Variants in TRAPPC9 observed in about 807,000 individuals in gnomAD.
TRAPPC9 encodes the protein trafficking protein particle complex subunit 9.
In TRAPPC9, 83 loss-of-function variants were observed where a neutral mutation model predicts 124.0. The ratio of observed to expected loss-of-function variants is 0.67; its 90% CI spans 0.56 to 0.80. The LOEUF (loss-of-function observed/expected upper bound fraction) is 0.80. TRAPPC9 is among the 30% of genes least tolerant of loss of function. The pLI, the probability that TRAPPC9 is intolerant of heterozygous loss-of-function variation, is 0.00. For synonymous variants in TRAPPC9, 638 were observed against 617.5 expected (o/e 1.03, Z -0.49); for missense variants, 1,302 against 1,508.3 (o/e 0.86, Z 2.27).
chr8:139,853,052 A>T (rs917812433), intron 21 of TRAPPC9, among the ~76,000 whole-genome samples: 2 of 152,190 alleles, frequency 1.3e-5, no homozygotes, highest in Non-Finnish European at 2.9e-5. Context: ...TAGGCTTCCC[A>T]AGAAGTGTTC....
chr8:139,787,479 G>C (rs1275001443), intron 21 of TRAPPC9, among the ~76,000 whole-genome samples: 1 of 152,142 alleles, frequency 6.6e-6, no homozygotes, highest in Non-Finnish European at 1.5e-5. Flanking sequence ...GCCAAGGGAA[G>C]GTGGGAACCG....
intron 11 of TRAPPC9, among the ~76,000 whole-genome samples, chr8:140,293,657 T>G (rs912188938): frequency 6.6e-6 from 1 of 151,718 alleles, no homozygotes; most frequent in African/African-American, 2.4e-5. Context: ...TAGGTGGGAA[T>G]TGAACAATGA....
At chr8:139,932,411 C>T (rs1402982939) in intron 19 of TRAPPC9, 1 of 457,754 alleles carries the variant, frequency 2.2e-6, no homozygotes, top group Non-Finnish European at 4.4e-6. Flanking sequence ...GGTATGGCTC[C>T]CTTTCTTTCT....
chr8:139,937,553 T>C (rs979592774), intron 19 of TRAPPC9, among the ~76,000 whole-genome samples: 1 of 151,972 alleles, frequency 6.6e-6, no homozygotes, highest in African/African-American at 2.4e-5. Context: ...GCAGGGCCGG[T>C]GCTGGGGCCA....
chr8:139,935,090 G>A (rs1039787402), intron 19 of TRAPPC9, among the ~76,000 whole-genome samples: 2 of 152,138 alleles, frequency 1.3e-5, no homozygotes, highest in Non-Finnish European at 2.9e-5. Context: ...CCCGGTACGT[G>A]ATCTCATGGG....
chr8:139,757,167 C>T (rs1469965793), intron 21 of TRAPPC9, among the ~76,000 whole-genome samples: 6 of 127,602 alleles, frequency 4.7e-5, no homozygotes, highest in African/African-American at 1.6e-4. Flanking sequence ...CAGGAGGAGC[C>T]AGGGTTTAGG....
At chr8:140,159,072 C>A (rs1349792973) in intron 17 of TRAPPC9, among the ~76,000 whole-genome samples, 5 of 152,182 alleles carry the variant, frequency 3.3e-5, no homozygotes, top group Non-Finnish European at 5.9e-5. Flanking sequence ...CAGGGACGGA[C>A]CCGGGAAGTG....
intron 17 of TRAPPC9, among the ~76,000 whole-genome samples, chr8:140,169,675 A>G (rs928149048): frequency 6.6e-6 from 1 of 152,212 alleles, no homozygotes; most frequent in Non-Finnish European, 1.5e-5. Context: ...GTGAAAGTGT[A>G]TATGATTCCG....
intron 21 of TRAPPC9, among the ~76,000 whole-genome samples, chr8:139,876,259 C>T (rs1434455057): frequency 1.3e-5 from 2 of 152,220 alleles, no homozygotes; most frequent in Non-Finnish European, 2.9e-5. Flanking sequence ...CTGCTGGCAC[C>T]GTGGGCTCCA....
intron 17 of TRAPPC9, among the ~76,000 whole-genome samples, chr8:140,195,269 C>A (rs116927598): frequency 1.6e-3 from 244 of 150,660 alleles, no homozygotes; most frequent in Non-Finnish European, 1.9e-3. Context: ...AACGATCCAT[C>A]ATACAGATCA....
At chr8:140,178,807 T>C (rs945448901) in intron 17 of TRAPPC9, among the ~76,000 whole-genome samples, 70 of 152,302 alleles carry the variant, frequency 4.6e-4, no homozygotes, top group African/African-American at 1.5e-3. Flanking sequence ...GAAAGGGCTA[T>C]TTAGGCATTC....
chr8:140,317,656 G>A (rs766193984), intron 9 of TRAPPC9, among the ~76,000 whole-genome samples: 4 of 151,956 alleles, frequency 2.6e-5, no homozygotes, highest in African/African-American at 2.4e-5. Context: ...GTTTAACAAC[G>A]AAAAATAAAA....
chr8:140,310,516 A>G (rs919189363), intron 10 of TRAPPC9, among the ~76,000 whole-genome samples: 44 of 152,328 alleles, frequency 2.9e-4, no homozygotes, highest in Admixed American at 9.8e-4. Flanking sequence ...GCAGGTCCTA[A>G]GCCTTGAGTG....
chr8:139,969,124 G>C (rs1835900302), intron 19 of TRAPPC9, among the ~76,000 whole-genome samples: 1 of 152,254 alleles, frequency 6.6e-6, no homozygotes, highest in African/African-American at 2.4e-5. Flanking sequence ...ATTCCAAGTG[G>C]AAAGATGAGC....
chr8:140,023,932 T>C lies in TRAPPC9; in HGVS notation c.2699+5A>G, dbSNP rs1427442857. On this transcript the variant is annotated splice_donor_5th_base_variant and intron_variant, in intron 18 of 22. Transcript: ENST00000438773. ...AAGACGGCTGTGCGGCAGGAAGACA[T>C]TTACCTGGTTGCTGGGAGGGTGCTG... The C allele has an allele frequency of 6.2e-7, 1 of 1,613,904 alleles. No homozygotes were observed. Among genetic ancestry groups the C allele is most frequent in the Non-Finnish European group, 8.5e-7 (1 of 1,179,898 alleles).
intron 17 of TRAPPC9, among the ~76,000 whole-genome samples, chr8:140,201,039 T>A (rs562098952): frequency 6.6e-6 from 1 of 152,314 alleles, no homozygotes; most frequent in East Asian, 1.9e-4. Context: ...TCCAGTAGCA[T>A]GTCACCACCG....
intron 10 of TRAPPC9, among the ~76,000 whole-genome samples, chr8:140,309,527 G>A (rs1025007540): frequency 6.6e-6 from 1 of 150,418 alleles, no homozygotes; most frequent in African/African-American, 2.5e-5. Flanking sequence ...CTCAGCTCCT[G>A]GATATCTACA....
In TRAPPC9 at chr8:140,226,366, C is replaced by T. The variant is rs1432501686; in HGVS notation, c.2432-4783G>A. 3.9e-5 allele frequency among the ~76,000 whole-genome samples: 6 copies of T among 152,100 alleles called. No individual in the cohort carries two copies. The South Asian group carries it at 6.2e-4, about 16-fold the overall frequency. On this transcript the variant is annotated intron_variant, in intron 16 of 22. Transcript: ENST00000438773. ...CAGTACTTTAGGAGGCTGAGGTGGG[C>T]GGATCACTTCAGGTCAGGAGTTTAA... is the stretch of plus-strand genomic sequence containing the variant.
chr8:139,949,452 A>G (rs1009807687), intron 19 of TRAPPC9, among the ~76,000 whole-genome samples: 1 of 152,230 alleles, frequency 6.6e-6, no homozygotes, highest in African/African-American at 2.4e-5. Flanking sequence ...AAGAGCACAC[A>G]CAGTAGCGTC....
Sources: allele counts gnomAD v4.1 joint callset (sites outside exome capture counted in the v4.1 genomes callset), GRCh38; gene constraint gnomAD v4.1.1; transcripts MANE v1.5; gene names NCBI Gene and HGNC (gene_info 2026-07-23, HGNC 2026-07-21).